ASPSCR1: variants seen among roughly 807,000 people sequenced by gnomAD.
The protein encoded by ASPSCR1 is ASPSCR1 tether for SLC2A4, UBX domain containing, also known as tether containing UBX domain for GLUT4.
Under a neutral mutation model 68.9 loss-of-function variants are expected in ASPSCR1, and 55 were observed. That is an observed-to-expected ratio of 0.80 (90% CI 0.64 to 1.00). The LOEUF (loss-of-function observed/expected upper bound fraction) is 1.00. Ranked by LOEUF, ASPSCR1 falls within the 50% of genes least tolerant of loss-of-function variation. ASPSCR1 has a pLI of 0.00. For missense variants in ASPSCR1, 765 were observed against 762.2 expected (o/e 1.00, Z -0.04); for synonymous variants, 352 against 332.6 (o/e 1.06, Z -0.63).
intron 12 of ASPSCR1, chr17:82,015,217 C>T (rs778213782): frequency 1.3e-6 from 2 of 1,598,176 alleles, no homozygotes; most frequent in African/African-American, 1.3e-5. Flanking sequence ...TGGGGTCCAT[C>T]CAGAGGCCGA....
intron 4 of ASPSCR1, among the ~76,000 whole-genome samples, chr17:81,992,050 C>G (rs1384002774): frequency 6.6e-6 from 1 of 152,238 alleles, no homozygotes; most frequent in African/African-American, 2.4e-5. Context: ...GTGGGGAGCT[C>G]TGCTGGCTGG....
rs554277647 is a variant in ASPSCR1 at position 81,983,896 on chromosome 17, C to T, written c.273+228C>T. 1.3e-5 allele frequency among the ~76,000 whole-genome samples: 2 copies of T among 150,934 alleles called. No homozygotes were observed. Among genetic ancestry groups the T allele is most frequent in the East Asian group, 3.9e-4 (2 of 5,122 alleles). ...TTTTTGAGCTGGAGTCTCGCTCTGTCGCCCAGGCTGGAGCTCAGTGGCGCA... is the reference window on the plus strand; with the variant it reads ...TTTTTGAGCTGGAGTCTCGCTCTGTTGCCCAGGCTGGAGCTCAGTGGCGCA... On this transcript the variant is annotated intron_variant, in intron 3 of 15. Coordinates refer to ENST00000306739, the MANE Select transcript of ASPSCR1 (RefSeq NM_024083.4). The surrounding 1 kb of genome is among the most constrained non-coding windows in gnomAD (Gnocchi z 4.4).
chr17:82,000,947 C>A (rs1025500821), intron 7 of ASPSCR1, among the ~76,000 whole-genome samples: 1 of 152,104 alleles, frequency 6.6e-6, no homozygotes, highest in African/African-American at 2.4e-5. Context: ...AGGGCCGCTC[C>A]TGATCAAAGG....
chr17:81,991,355 T>C (rs7405640), intron 4 of ASPSCR1, among the ~76,000 whole-genome samples: 103,884 of 152,110 alleles, frequency 0.68, 36,471 homozygotes, highest in African/African-American at 0.81. Flanking sequence ...CATCTCAGCC[T>C]GTTCCTCCTT....
At position 81,986,982 on chromosome 17, in the gene ASPSCR1, C is replaced by T. The variant is rs1235827146; in HGVS notation, c.374+1375C>T. On this transcript the variant is annotated intron_variant, in intron 4 of 15. Coordinates refer to ENST00000306739, the MANE Select transcript of ASPSCR1 (RefSeq NM_024083.4). This position sits in a 1 kb window ranked among gnomAD's most constrained non-coding sequence, Gnocchi z 5.2. Reference sequence around the variant, plus strand: ...GGTTAAGCACGAGCACGGAATTCTCCCTCCCAAAACGGAACTCAGACAACA... The same window carrying T: ...GGTTAAGCACGAGCACGGAATTCTCTCTCCCAAAACGGAACTCAGACAACA... 1.3e-5 allele frequency among the ~76,000 whole-genome samples: 2 copies of T among 152,168 alleles called. No individual in the cohort carries two copies. Among genetic ancestry groups the T allele is most frequent in the Non-Finnish European group, 2.9e-5 (2 of 68,038 alleles).
chr17:81,977,643 GA>G lies in ASPSCR1; in HGVS notation c.1del, dbSNP rs1179920812. Reference sequence around the variant, plus strand: ...GGCCCGGCGGCGGGTCACGTGAGCGGAAAATGGCGGCCCCGGCAGGCGGCGG... The same window carrying G: ...GGCCCGGCGGCGGGTCACGTGAGCGGAAATGGCGGCCCCGGCAGGCGGCGG... On this transcript the variant is annotated 5_prime_UTR_variant, in exon 1 of 16. Coordinates refer to ENST00000306739, the MANE Select transcript of ASPSCR1 (RefSeq NM_024083.4). This position sits in a 1 kb window ranked among gnomAD's most constrained non-coding sequence, Gnocchi z 5.0. The G allele has an allele frequency of 1.4e-5, 20 of 1,394,460 alleles. No individual in the cohort carries two copies. Among genetic ancestry groups the G allele is most frequent in the South Asian group, 4.4e-5 (3 of 68,410 alleles). 86.4% of individuals were successfully genotyped at this position (1,394,460 alleles called of 1,614,324 possible).
At chr17:82,011,713 C>A in intron 11 of ASPSCR1, 108 bp downstream of exon 11, 2 of 1,282,500 alleles carry the variant, frequency 1.6e-6, no homozygotes, top group Non-Finnish European at 2.2e-6. Flanking sequence ...TCCACAGGAG[C>A]AGCATCTGTG....
chr17:81,980,167 G>A (rs1430213188), intron 2 of ASPSCR1, among the ~76,000 whole-genome samples: 1 of 152,186 alleles, frequency 6.6e-6, no homozygotes, highest in African/African-American at 2.4e-5. Context: ...ATTTTTAGTA[G>A]AGATGGGGTT....
chr17:82,004,164 G>T (rs373826410), intron 7 of ASPSCR1, among the ~76,000 whole-genome samples: 2 of 152,186 alleles, frequency 1.3e-5, no homozygotes, highest in African/African-American at 4.8e-5. Flanking sequence ...TGCCCCTGGC[G>T]CCCTCACCCT....
intron 12 of ASPSCR1, among the ~76,000 whole-genome samples, chr17:82,012,714 C>T (rs1275493935): frequency 1.3e-5 from 2 of 152,200 alleles, no homozygotes; most frequent in Admixed American, 1.3e-4. Context: ...TGCCCCTTCC[C>T]CCTGCCCGGC....
chr17:81,984,907 C>T (rs1261888596), intron 3 of ASPSCR1, among the ~76,000 whole-genome samples: 1 of 113,588 alleles, frequency 8.8e-6, no homozygotes, highest in Admixed American at 9.2e-5. Flanking sequence ...CCACACACAC[C>T]CCTACAGCAA....
At chr17:81,996,962 A>G in intron 7 of ASPSCR1, 116 bp downstream of exon 7, 1 of 1,503,056 alleles carries the variant, frequency 6.7e-7, no homozygotes, top group Non-Finnish European at 8.9e-7. Context: ...AGAGGAACCC[A>G]AACGCGCAGA....
chr17:81,996,668 T>G lies in ASPSCR1; in HGVS notation c.755T>G (p.Leu252Arg), dbSNP rs8074498. The G allele has an allele frequency of 1.4e-5, 23 of 1,612,298 alleles. No homozygotes were observed. The highest frequency in any genetic ancestry group is 1.8e-5 in the Non-Finnish European group (21 of 1,179,458). The stretch of plus-strand genomic sequence containing the variant: ...CCTTTCTCGGGTGGGGGACAGAGAC[T>G]GGGGGGCCCTCCTGGGCCCACGAGG... ...FVPFSGGGQRLGGPPGPTRPL... is the reference protein window; with the variant it reads ...FVPFSGGGQRRGGPPGPTRPL... Residue 252 changes from leucine to arginine, a missense_variant, in exon 7 of 16, where the codon CTG becomes CGG. Transcript: ENST00000306739.
chr17:82,016,407 G>GT (rs2043127432), intron 12 of ASPSCR1, 69 bp from the exon 13 acceptor site: 2 of 1,414,468 alleles, frequency 1.4e-6, no homozygotes, highest in East Asian at 2.5e-5. Flanking sequence ...CCCTGGGGGT[G>GT]TAGCTGCCTT....
chr17:81,995,019 A>T, intron 5 of ASPSCR1, 141 bp downstream of exon 5: 1 of 958,620 alleles, frequency 1.0e-6, no homozygotes, highest in Non-Finnish European at 1.5e-6. Context: ...TTCATGGAAA[A>T]AGAGGGAGTG....
rs926314743 is a variant in ASPSCR1, at chr17:81,985,490, T to C, written c.274-17T>C. The C allele has an allele frequency of 2.1e-5, 34 of 1,612,280 alleles. No individual in the cohort carries two copies. Among genetic ancestry groups the C allele is most frequent in the Non-Finnish European group, 2.9e-5 (34 of 1,178,756 alleles). ...CTTTTCTTCCTAAGGAAGTTTCTCA[T>C]GTCTTATACCCTCCAGGTTCGCATC... On this transcript the variant is annotated splice_polypyrimidine_tract_variant and intron_variant, in intron 3 of 15. Transcript: ENST00000306739.
chr17:81,995,628 C>A (rs2042311156), intron 5 of ASPSCR1: 1 of 446,664 alleles, frequency 2.2e-6, no homozygotes, highest in Non-Finnish European at 4.1e-6. Context: ...ATGGCCACCC[C>A]CGTGGGTGAC....
intron 4 of ASPSCR1, among the ~76,000 whole-genome samples, chr17:81,993,426 G>A (rs2042236233): frequency 1.3e-5 from 2 of 152,126 alleles, no homozygotes; most frequent in Non-Finnish European, 2.9e-5. Context: ...TGTTAGCCAG[G>A]ATGGTCTCGA....
intron 10 of ASPSCR1, 122 bp from the exon 11 acceptor site, chr17:82,011,419 CAG>C (rs2042936978): frequency 1.8e-5 from 17 of 922,180 alleles, no homozygotes; most frequent in Non-Finnish European, 2.7e-5. Flanking sequence ...GTGGGAGGAA[CAG>C]GGCTGAATTC....
Sources: allele counts gnomAD v4.1 joint callset (sites outside exome capture counted in the v4.1 genomes callset), GRCh38; gene constraint gnomAD v4.1.1; non-coding constraint Gnocchi (gnomAD v3.1); transcripts MANE v1.5; gene names NCBI Gene and HGNC (gene_info 2026-07-23, HGNC 2026-07-21).